Variants in LRBA observed in about 807,000 individuals in gnomAD.
The protein encoded by LRBA is LPS responsive beige-like anchor protein.
In LRBA, 176 loss-of-function variants were observed where a neutral mutation model predicts 330.0. The ratio of observed to expected loss-of-function variants is 0.53; its 90% CI spans 0.47 to 0.60. The LOEUF is 0.60. LRBA is among the 20% of genes least tolerant of loss of function. The pLI is 0.00. For missense variants in LRBA, 3,259 were observed against 3,444.8 expected (o/e 0.95, Z 1.35); for synonymous variants, 1,230 against 1,193.0 (o/e 1.03, Z -0.64).
At chr4:150,506,024 C>A (rs1162228593) in intron 40 of LRBA, among the ~76,000 whole-genome samples, 1 of 152,100 alleles carries the variant, frequency 6.6e-6, no homozygotes, top group Non-Finnish European at 1.5e-5. Flanking sequence ...AAGATTAAAC[C>A]AGGAAGAAGT....
At chr4:150,989,655 T>A (rs1462652781) in intron 2 of LRBA, among the ~76,000 whole-genome samples, 4 of 151,376 alleles carry the variant, frequency 2.6e-5, no homozygotes, top group Non-Finnish European at 5.9e-5. Context: ...CAATTTTACA[T>A]AAAAGAAAAT....
rs62344598 is a variant in LRBA, at chr4:150,914,212, A to G, written c.1144T>C (p.Leu382=). Residue 382 remains leucine, a synonymous_variant, in exon 9 of 57, where the codon TTG becomes CTG. Transcript: ENST00000651943. The part of the protein sequence containing the change: ...NAAQIFAIYQ[L]GLGYKGTFKF... ...CAAACTACCTTGTATCCCAGGCCCA[A>G]CTGATAAATAGCAAATATCTGAGCT... The G allele has an allele frequency of 0.038, 61,098 of 1,607,730 alleles. 2,277 individuals carry two copies. The highest frequency in any genetic ancestry group is 0.2 in the African/African-American group (14,603 of 74,630).
chr4:150,914,173 C>T (rs1320450513), intron 9 of LRBA, 22 bp downstream of exon 9: 1 of 1,583,370 alleles, frequency 6.3e-7, no homozygotes, highest in Admixed American at 1.7e-5. Flanking sequence ...ATTGGTTAAG[C>T]ACAAAACAGT....
rs143954281 is a variant in LRBA at position 150,599,249 on chromosome 4, A to T, written c.5922-118T>A. On this transcript the variant is annotated intron_variant, in intron 37 of 56. Transcript: ENST00000651943. ...CCTTTTTTTCCCTCTCCTTCCACTTAATTCTCCCTCCATCTCACACTCCCC... is the reference window on the plus strand; with the variant it reads ...CCTTTTTTTCCCTCTCCTTCCACTTTATTCTCCCTCCATCTCACACTCCCC... 7.3e-3 allele frequency: 7,676 copies of T among 1,052,110 alleles called. 50 individuals are homozygous for T. Among genetic ancestry groups the T allele is most frequent in the Non-Finnish European group, 8.9e-3 (6,479 of 727,564 alleles). 65.2% of individuals were successfully genotyped at this position (1,052,110 alleles called of 1,614,324 possible).
chr4:150,659,063 A>G (rs1323644144), intron 37 of LRBA, among the ~76,000 whole-genome samples: 3 of 134,074 alleles, frequency 2.2e-5, no homozygotes, highest in East Asian at 4.9e-4. Context: ...ATCTCGGCTC[A>G]CTACAACCCA....
intron 47 of LRBA, among the ~76,000 whole-genome samples, chr4:150,356,115 A>C (rs1737809611): frequency 6.6e-6 from 1 of 152,036 alleles, no homozygotes; most frequent in African/African-American, 2.4e-5. Flanking sequence ...TTCCTGCTAA[A>C]TATATGATAT....
At chr4:150,563,474 C>T in intron 40 of LRBA, among the ~76,000 whole-genome samples, 1 of 151,686 alleles carries the variant, frequency 6.6e-6, no homozygotes, top group East Asian at 1.9e-4. Context: ...TGGAAGCATT[C>T]CCTTTGAGTG....
intron 48 of LRBA, among the ~76,000 whole-genome samples, chr4:150,345,320 T>A (rs757409125): frequency 2.0e-5 from 3 of 152,176 alleles, no homozygotes; most frequent in Non-Finnish European, 4.4e-5. Flanking sequence ...AAAAAATGAA[T>A]AAATTAATGA....
intron 47 of LRBA, among the ~76,000 whole-genome samples, chr4:150,394,101 C>G (rs1052678551): frequency 2.0e-5 from 3 of 152,138 alleles, no homozygotes; most frequent in African/African-American, 7.2e-5. Flanking sequence ...TTTTACATAA[C>G]AATTTCTTTG....
At chr4:150,716,747 T>C (rs141058433) in intron 36 of LRBA, among the ~76,000 whole-genome samples, 55 of 152,294 alleles carry the variant, frequency 3.6e-4, no homozygotes, top group African/African-American at 1.3e-3. Flanking sequence ...CTAAAATATG[T>C]AATTGTTAAA....
chr4:150,990,574 C>A (rs1274677497), intron 2 of LRBA, among the ~76,000 whole-genome samples: 1 of 151,172 alleles, frequency 6.6e-6, no homozygotes, highest in African/African-American at 2.4e-5. Context: ...CAAAAAAAAA[C>A]AAAACAAAAG....
At chr4:150,675,145 A>G (rs1440979400) in intron 37 of LRBA, among the ~76,000 whole-genome samples, 1 of 152,018 alleles carries the variant, frequency 6.6e-6, no homozygotes, top group Non-Finnish European at 1.5e-5. Context: ...TGCTACAGTG[A>G]GCTGTGATCT....
At chr4:150,953,898 A>G (rs980140578) in intron 2 of LRBA, among the ~76,000 whole-genome samples, 16 of 149,210 alleles carry the variant, frequency 1.1e-4, no homozygotes, top group African/African-American at 4.0e-4. Context: ...CCCGGCCGTC[A>G]TCCCGTCTAG....
At chr4:150,502,854 T>C (rs1343986339) in intron 40 of LRBA, among the ~76,000 whole-genome samples, 1 of 152,326 alleles carries the variant, frequency 6.6e-6, no homozygotes, top group East Asian at 1.9e-4. Flanking sequence ...ACTCCCACCC[T>C]AATACTGCGC....
intron 30 of LRBA, among the ~76,000 whole-genome samples, chr4:150,819,221 G>A (rs575950887): frequency 1.3e-5 from 2 of 150,576 alleles, no homozygotes; most frequent in East Asian, 1.9e-4. Context: ...GTCTAGAACA[G>A]ACAAAACTAA....
chr4:150,909,802 T>C (rs1037260186), intron 9 of LRBA, among the ~76,000 whole-genome samples: 9 of 152,154 alleles, frequency 5.9e-5, no homozygotes, highest in Non-Finnish European at 1.0e-4. Context: ...TACCAATTTC[T>C]CCACATTCTC....
intron 40 of LRBA, among the ~76,000 whole-genome samples, chr4:150,522,093 G>A (rs1485796245): frequency 6.6e-6 from 1 of 152,044 alleles, no homozygotes; most frequent in Non-Finnish European, 1.5e-5. Flanking sequence ...AATTCTGGAG[G>A]ACAGAAATAA....
intron 47 of LRBA, among the ~76,000 whole-genome samples, chr4:150,391,972 TAAAAAAAAAA>T (rs150931536): frequency 6.5e-5 from 7 of 107,440 alleles, no homozygotes; most frequent in South Asian, 3.4e-4. Flanking sequence ...TGTTACTCTT[TAAAAAAAAAA>T]AAAAAAAAAA....
intron 4 of LRBA, among the ~76,000 whole-genome samples, chr4:150,923,565 T>C (rs140900711): frequency 2.0e-5 from 3 of 152,340 alleles, no homozygotes; most frequent in East Asian, 1.9e-4. Context: ...TGTATACGCA[T>C]AGCATATACA....
Sources: allele counts gnomAD v4.1 joint callset (sites outside exome capture counted in the v4.1 genomes callset), GRCh38; gene constraint gnomAD v4.1.1; transcripts MANE v1.5; gene names NCBI Gene and HGNC (gene_info 2026-07-23, HGNC 2026-07-21).